The following PABPC4L variants were observed in gnomAD, a reference collection of about 807,000 sequenced individuals.
PABPC4L encodes polyadenylate-binding protein 4-like.
For missense variants in PABPC4L, 452 were observed against 451.4 expected (o/e 1.00, Z -0.01); for synonymous variants, 169 against 164.1 (o/e 1.03, Z -0.23).
At chr4:134,135,898 C>T in the PABPC4L span, among the ~76,000 whole-genome samples, 4 of 151,928 alleles carry the variant, frequency 2.6e-5, no homozygotes, top group Non-Finnish European at 4.4e-5. Flanking sequence ...CCCTATCACT[C>T]GATTGAATCA....
At chr4:134,103,088 G>T in the PABPC4L span, among the ~76,000 whole-genome samples, 1 of 151,206 alleles carries the variant, frequency 6.6e-6, no homozygotes, top group Non-Finnish European at 1.5e-5. Flanking sequence ...GCCAGGTGTG[G>T]GCCGATACTT....
At chr4:133,954,792 A>C in the PABPC4L span, among the ~76,000 whole-genome samples, 1 of 152,310 alleles carries the variant, frequency 6.6e-6, no homozygotes, top group East Asian at 1.9e-4. Flanking sequence ...TTCTTTACCA[A>C]CTTTAGGATA....
chr4:134,109,006 C>A, the PABPC4L span, among the ~76,000 whole-genome samples: 1 of 151,804 alleles, frequency 6.6e-6, no homozygotes, highest in Non-Finnish European at 1.5e-5. Context: ...AACATTCATG[C>A]CAGGTGAACA....
chr4:133,962,286 C>T, the PABPC4L span, among the ~76,000 whole-genome samples: 2 of 152,246 alleles, frequency 1.3e-5, no homozygotes, highest in Non-Finnish European at 2.9e-5. Flanking sequence ...AGAAGAAATC[C>T]CTGGTTTACT....
chr4:134,089,788 G>A, the PABPC4L span, among the ~76,000 whole-genome samples: 2 of 151,972 alleles, frequency 1.3e-5, no homozygotes, highest in Non-Finnish European at 2.9e-5. Context: ...AGCGCAGACT[G>A]TATTATGCCA....
At chr4:134,172,631 CA>C in the PABPC4L span, among the ~76,000 whole-genome samples, 1 of 151,970 alleles carries the variant, frequency 6.6e-6, no homozygotes, top group Non-Finnish European at 1.5e-5. Context: ...ATGCCAAAAA[CA>C]ATTGCAACGA....
the PABPC4L span, among the ~76,000 whole-genome samples, chr4:134,154,059 C>A: frequency 4.6e-5 from 7 of 151,432 alleles, no homozygotes; most frequent in African/African-American, 1.5e-4. Context: ...GATCAAGGAA[C>A]CAAGAAAAAT....
At chr4:134,076,927 T>C in the PABPC4L span, among the ~76,000 whole-genome samples, 1 of 152,174 alleles carries the variant, frequency 6.6e-6, no homozygotes, top group South Asian at 2.1e-4. Flanking sequence ...AGATTGCCTG[T>C]CATAGCAATA....
At chr4:134,120,394 C>G in the PABPC4L span, among the ~76,000 whole-genome samples, 2 of 148,676 alleles carry the variant, frequency 1.3e-5, no homozygotes, top group Non-Finnish European at 3.0e-5. Context: ...TTAATACTTC[C>G]AAAAATATTA....
the PABPC4L span, among the ~76,000 whole-genome samples, chr4:134,044,585 G>A: frequency 1.1e-4 from 16 of 152,206 alleles, no homozygotes; most frequent in African/African-American, 3.6e-4. Context: ...ATTATAATGA[G>A]CTTCACCACC....
At chr4:133,957,276 T>A in the PABPC4L span, among the ~76,000 whole-genome samples, 1 of 151,850 alleles carries the variant, frequency 6.6e-6, no homozygotes, top group Admixed American at 6.6e-5. Flanking sequence ...GCCCAAAGGG[T>A]CTACAGGCAC....
chr4:134,125,555 T>C, the PABPC4L span, among the ~76,000 whole-genome samples: 2 of 152,198 alleles, frequency 1.3e-5, no homozygotes, highest in South Asian at 4.1e-4. Flanking sequence ...CTGCAGTTTA[T>C]GGTGAAAATT....
the PABPC4L span, among the ~76,000 whole-genome samples, chr4:134,185,997 T>C: frequency 2.6e-5 from 4 of 152,024 alleles, no homozygotes; most frequent in African/African-American, 7.2e-5. Context: ...AAGGACCTCT[T>C]CAAGGAGAAA....
the PABPC4L span, among the ~76,000 whole-genome samples, chr4:134,085,284 T>G: frequency 6.6e-6 from 1 of 152,122 alleles, no homozygotes; most frequent in African/African-American, 2.4e-5. Flanking sequence ...AGTTGGAGTA[T>G]GTATGTACAT....
chr4:133,965,300 C>T, the PABPC4L span, among the ~76,000 whole-genome samples: 1 of 152,068 alleles, frequency 6.6e-6, no homozygotes, highest in Non-Finnish European at 1.5e-5. Context: ...CTACTAAACA[C>T]TGCTGAAAGA....
chr4:133,969,495 G>C, the PABPC4L span, among the ~76,000 whole-genome samples: 1 of 152,156 alleles, frequency 6.6e-6, no homozygotes, highest in Non-Finnish European at 1.5e-5. Context: ...CAGCCAGCAG[G>C]AGTCCTTGGT....
the PABPC4L span, among the ~76,000 whole-genome samples, chr4:133,973,306 C>T: frequency 2.0e-5 from 3 of 151,700 alleles, no homozygotes; most frequent in Non-Finnish European, 4.4e-5. Flanking sequence ...AATGGGAACA[C>T]TTCCTGAATG....
the PABPC4L span, among the ~76,000 whole-genome samples, chr4:134,107,290 C>A: frequency 6.6e-6 from 1 of 151,242 alleles, no homozygotes; most frequent in African/African-American, 2.4e-5. Flanking sequence ...AAGGATACTT[C>A]CAAGCCTAGA....
At chr4:134,032,501 A>G in the PABPC4L span, among the ~76,000 whole-genome samples, 1 of 151,882 alleles carries the variant, frequency 6.6e-6, no homozygotes, top group African/African-American at 2.4e-5. Flanking sequence ...GTCTGCAATC[A>G]TATATTCATT....
Sources: allele counts gnomAD v4.1 joint callset (sites outside exome capture counted in the v4.1 genomes callset), GRCh38; gene constraint gnomAD v4.1.1; transcripts MANE v1.5; gene names NCBI Gene and HGNC (gene_info 2026-07-23, HGNC 2026-07-21).